AKAP6: variants seen among roughly 807,000 people sequenced by gnomAD.
The protein encoded by AKAP6 is A-kinase anchor protein 6.
A neutral mutation model predicts 188.5 loss-of-function variants in AKAP6; 58 were observed. The observed-to-expected ratio is 0.31, with a 90% CI of 0.25 to 0.38. The LOEUF is 0.38. Among genes scored for constraint, AKAP6 ranks in the 10% least tolerant of loss-of-function variants. The pLI is 1.00. For missense variants in AKAP6, 2,710 were observed against 2,740.0 expected, an observed-to-expected ratio of 0.99 and a Z score of 0.24; for synonymous variants, 989 against 998.6, an observed-to-expected ratio of 0.99 and a Z score of 0.18.
At chr14:32,775,293 C>T (rs1388988357) in intron 12 of AKAP6, among the ~76,000 whole-genome samples, 1 of 147,600 alleles carries the variant, frequency 6.8e-6, no homozygotes, top group Non-Finnish European at 1.5e-5. Flanking sequence ...TCAACTGCAG[C>T]AGGCAAAGTT....
In AKAP6 at chr14:32,837,094, C is replaced by G. The variant is rs1024833555; in HGVS notation, c.*7289C>G. 1 of 152,134 alleles carries G rather than the reference C, an allele frequency of 6.6e-6. No homozygotes were observed. The allele number at this position is 152,134 out of a possible 1,614,324, so 9.4% of individuals were successfully genotyped here. On this transcript the variant is annotated 3_prime_UTR_variant, in exon 14 of 14. Coordinates refer to ENST00000280979, the MANE Select transcript of AKAP6 (RefSeq NM_004274.5). ...CCTTGTAACCTGTCATGTTCATCAA[C>G]GTTTTAGACTGTACCATTGCTCTTT...
chr14:32,555,398 T>G (rs567322681), intron 4 of AKAP6, among the ~76,000 whole-genome samples: 2 of 152,340 alleles, frequency 1.3e-5, no homozygotes, highest in South Asian at 4.1e-4. Context: ...GCATTCATAC[T>G]GATGATAGCA....
rs2034834733 is a variant in AKAP6, at chr14:32,832,757, A to G, written c.*2952A>G. The G allele has an allele frequency of 6.6e-6, 1 of 152,644 alleles. No homozygotes were observed. Among genetic ancestry groups the G allele is most frequent in the African/African-American group, 2.4e-5 (1 of 41,448 alleles). The allele number at this position is 152,644 out of a possible 1,614,324, so 9.5% of individuals were successfully genotyped here. A position where few individuals can be genotyped will look rare whatever the true frequency, so the allele number is the denominator to read the frequency against. On this transcript the variant is annotated 3_prime_UTR_variant, in exon 14 of 14. Coordinates refer to ENST00000280979, the MANE Select transcript of AKAP6 (RefSeq NM_004274.5). ...GTACCCCGCTACCCTGTTCTGTCTTATGGAGCAGCCCAGATTATCTTTACT... is the reference window on the plus strand; with the variant it reads ...GTACCCCGCTACCCTGTTCTGTCTTGTGGAGCAGCCCAGATTATCTTTACT...
rs904240572 is a variant in AKAP6 at position 32,822,383 on chromosome 14, C to T, written c.4570C>T (p.Pro1524Ser). The change falls in exon 13 of 14, where the codon CCC becomes TCC. Residue 1524 changes from proline to serine, a missense_variant. Pro to Ser is a moderately conservative substitution (Grantham distance 74, BLOSUM62 -1). Around this residue, in one of 2 missense-constraint regions of AKAP6, gnomAD observed 2,473 missense variants for 2,426.1 expected, o/e 1.02. Coordinates refer to ENST00000280979, the MANE Select transcript of AKAP6 (RefSeq NM_004274.5). Reference protein sequence around the residue: ...QTTELQPDVPPHERILASASH... With the variant: ...QTTELQPDVPSHERILASASH... ...TACAGAGTTACAACCAGATGTACCTCCCCATGAAAGGATTTTGGCAAGTGC... is the reference window on the plus strand; with the variant it reads ...TACAGAGTTACAACCAGATGTACCTTCCCATGAAAGGATTTTGGCAAGTGC... 3 of 1,613,842 alleles carry T rather than the reference C, an allele frequency of 1.9e-6. No homozygotes were observed. The African/African-American group carries it at 4.0e-5, about 22-fold the overall frequency.
chr14:32,333,074 C>A (rs983875971), intron 1 of AKAP6, among the ~76,000 whole-genome samples: 3 of 152,080 alleles, frequency 2.0e-5, no homozygotes, highest in African/African-American at 2.4e-5. Context: ...CCACAGGGCT[C>A]ATTAGCCTTT....
At chr14:32,753,308 G>A (rs2032209862) in intron 11 of AKAP6, among the ~76,000 whole-genome samples, 1 of 152,012 alleles carries the variant, frequency 6.6e-6, no homozygotes, top group Non-Finnish European at 1.5e-5. Context: ...GTGATGTTGA[G>A]CATTTTTTCA....
chr14:32,823,608 A>C lies in AKAP6; in HGVS notation c.5795A>C (p.His1932Pro). 1.2e-6 allele frequency: 2 copies of C among 1,613,904 alleles called. No individual in the cohort carries two copies. Among genetic ancestry groups the C allele is most frequent in the Non-Finnish European group, 1.7e-6 (2 of 1,179,902 alleles). Reference protein sequence around the residue: ...SHGKEISESEHCKCKALMDSL... With the variant: ...SHGKEISESEPCKCKALMDSL... ...GGGAAAGAGATTTCAGAGAGTGAGC[A>C]TTGTAAGTGTAAAGCACTTATGGAT... The change falls in exon 13 of 14, where the codon CAT becomes CCT. Residue 1932 changes from histidine to proline, a missense_variant. Around this residue, in one of 2 missense-constraint regions of AKAP6, gnomAD observed 2,473 missense variants for 2,426.1 expected, o/e 1.02. Transcript: ENST00000280979.
intron 2 of AKAP6, among the ~76,000 whole-genome samples, chr14:32,439,649 G>A (rs1404228450): frequency 1.3e-5 from 2 of 152,198 alleles, no homozygotes; most frequent in African/African-American, 2.4e-5. Flanking sequence ...CAACTGTGGT[G>A]TCTAGGGTCC....
At chr14:32,531,732 A>G (rs1274724240) in intron 2 of AKAP6, among the ~76,000 whole-genome samples, 1 of 152,226 alleles carries the variant, frequency 6.6e-6, no homozygotes. Flanking sequence ...TATAAATAGA[A>G]TTATACAGTG....
Position 32,824,269 on chromosome 14 carries a change from T to A in AKAP6, c.6456T>A (p.Ile2152=). The A allele has an allele frequency of 1.2e-6, 2 of 1,613,910 alleles. No homozygotes were observed. The highest frequency in any genetic ancestry group is 1.7e-6 in the Non-Finnish European group (2 of 1,179,924). ...TDSGLDDKED[I]ECFFEACVEG... ...CGGGCTTAGATGACAAGGAAGATAT[T>A]GAATGCTTTTTTGAGGCCTGTGTTG... Residue 2152 remains isoleucine (I), a synonymous_variant, in exon 13 of 14, where the codon ATT becomes ATA. Transcript: ENST00000280979.
chr14:32,433,948 ATCTT>A (rs1890301537), intron 2 of AKAP6, 131 bp downstream of exon 2: 11 of 770,536 alleles, frequency 1.4e-5, no homozygotes, highest in Middle Eastern at 3.8e-4. Context: ...TCAAACCATT[ATCTT>A]TAGAGATAAA....
intron 2 of AKAP6, among the ~76,000 whole-genome samples, chr14:32,459,822 T>C (rs1891265013): frequency 6.6e-6 from 1 of 151,570 alleles, no homozygotes; most frequent in African/African-American, 2.4e-5. Flanking sequence ...TTTAGCCACA[T>C]AGAACTTCAG....
intron 4 of AKAP6, 151 bp from the exon 5 acceptor site, chr14:32,576,969 A>G: frequency 1.2e-6 from 1 of 847,730 alleles, no homozygotes; most frequent in Admixed American, 3.4e-5. Context: ...TGGAAATTCC[A>G]TTACAGCAAA....
chr14:32,350,276 C>A (rs530588434), intron 1 of AKAP6, among the ~76,000 whole-genome samples: 115 of 152,272 alleles, frequency 7.6e-4, no homozygotes, highest in African/African-American at 2.6e-3. Flanking sequence ...ATATTGTATA[C>A]CCCTAATGTG....
intron 4 of AKAP6, among the ~76,000 whole-genome samples, chr14:32,556,921 CT>C (rs1324773860): frequency 1.0e-4 from 15 of 148,314 alleles, no homozygotes; most frequent in African/African-American, 9.9e-5. Flanking sequence ...CTCTCTCTCT[CT>C]TTTTTTTTTA....
chr14:32,404,382 T>C (rs1889204042), intron 1 of AKAP6, among the ~76,000 whole-genome samples: 1 of 151,950 alleles, frequency 6.6e-6, no homozygotes, highest in Non-Finnish European at 1.5e-5. Flanking sequence ...GGGGGAGTGC[T>C]TATGCTAAGT....
intron 9 of AKAP6, among the ~76,000 whole-genome samples, chr14:32,722,601 TGCA>T (rs2030606696): frequency 3.3e-5 from 5 of 152,070 alleles, no homozygotes; most frequent in Admixed American, 3.3e-4. Flanking sequence ...AGCAGAGCAG[TGCA>T]GCACAGAAGG....
At chr14:32,564,870 G>T (rs770627979) in intron 4 of AKAP6, among the ~76,000 whole-genome samples, 1 of 152,200 alleles carries the variant, frequency 6.6e-6, no homozygotes, top group Admixed American at 6.5e-5. Flanking sequence ...TGTTTCCAGT[G>T]CTCTGCAGCT....
At chr14:32,670,060 G>A (rs1312959089) in intron 7 of AKAP6, among the ~76,000 whole-genome samples, 1 of 149,486 alleles carries the variant, frequency 6.7e-6, no homozygotes, top group Non-Finnish European at 1.5e-5. Context: ...TCTTGCCACT[G>A]TACAGCGGCC....
Sources: allele counts gnomAD v4.1 joint callset (sites outside exome capture counted in the v4.1 genomes callset), GRCh38; gene constraint gnomAD v4.1.1; regional missense constraint gnomAD v4.1.1; transcripts MANE v1.5; gene names NCBI Gene and HGNC (gene_info 2026-07-23, HGNC 2026-07-21).